The following PIGR variants were observed in gnomAD, a reference collection of about 807,000 sequenced individuals.
The protein encoded by PIGR is hepatocellular carcinoma associated protein TB6.
A neutral mutation model predicts 69.5 loss-of-function variants in PIGR; 22 were observed. The observed-to-expected ratio is 0.32, with a 90% CI of 0.23 to 0.45. The LOEUF is 0.45. Among genes scored for constraint, PIGR ranks in the 20% least tolerant of loss-of-function variants. The pLI, the probability that PIGR is intolerant of heterozygous loss-of-function variation, is 1.00. For missense variants in PIGR, 885 were observed against 974.0 expected (o/e 0.91, Z 1.22); for synonymous variants, 413 against 407.6 (o/e 1.01, Z -0.16).
intron 2 of PIGR, 83 bp downstream of exon 2, chr1:206,940,406 T>C (rs943226121): frequency 4.5e-6 from 6 of 1,321,186 alleles, no homozygotes; most frequent in Non-Finnish European, 6.3e-6. Context: ...TGAGTCTGAT[T>C]TTAGTGTCCC....
intron 4 of PIGR, among the ~76,000 whole-genome samples, chr1:206,936,313 G>A (rs1403810733): frequency 6.6e-6 from 1 of 152,184 alleles, no homozygotes; most frequent in Non-Finnish European, 1.5e-5. Context: ...TCTCAAAGAC[G>A]ATAGCCATTC....
chr1:206,945,992 T>C (rs6540730), intron 1 of PIGR, among the ~76,000 whole-genome samples: 86,609 of 152,044 alleles, frequency 0.57, 27,192 homozygotes, highest in African/African-American at 0.86. Flanking sequence ...AGGTGGCTTG[T>C]CTAAGGCCAC....
rs548333484 is a variant in PIGR at position 206,931,166 on chromosome 1, G to A, written c.2199+331C>T. 3.7e-5 allele frequency: 36 copies of A among 985,446 alleles called. No individual in the cohort carries two copies. The South Asian group carries it at 7.5e-4, about 21-fold the overall frequency. 61.0% of individuals were successfully genotyped at this position (985,446 alleles called of 1,614,324 possible). A position where few individuals can be genotyped will look rare whatever the true frequency, so the allele number is the denominator to read the frequency against. On this transcript the variant is annotated intron_variant, in intron 10 of 10. Transcript: ENST00000356495. Reference sequence around the variant, plus strand: ...GTCCTTGGGTCCCCCAACCCAGGAAGAGCATCCATTTAATCACCAGCATTT... The same window carrying A: ...GTCCTTGGGTCCCCCAACCCAGGAAAAGCATCCATTTAATCACCAGCATTT...
intron 10 of PIGR, 54 bp downstream of exon 10, chr1:206,931,443 C>T: frequency 1.2e-6 from 2 of 1,613,790 alleles, no homozygotes; most frequent in Non-Finnish European, 1.7e-6. Context: ...CTAACTGCAT[C>T]CCCTCATGCT....
At position 206,934,469 on chromosome 1, in the gene PIGR, A is replaced by G. The variant is rs749336171; in HGVS notation, c.1656T>C (p.Tyr552=). Residue 552 remains tyrosine, a synonymous_variant, in exon 6 of 11, where the codon TAT becomes TAC. Transcript: ENST00000356495. ...CCACATAGACGGCTGCAGTCTCTCCATAGAAGTGGCCCTGCTTCACTCCAC... is the reference window on the plus strand; with the variant it reads ...CCACATAGACGGCTGCAGTCTCTCCGTAGAAGTGGCCCTGCTTCACTCCAC... The part of the protein sequence containing the change: ...YWCGVKQGHF[Y]GETAAVYVAV... 3.2e-5 allele frequency: 51 copies of G among 1,614,030 alleles called. No homozygotes were observed. Among genetic ancestry groups the G allele is most frequent in the Middle Eastern group, 1.6e-4 (1 of 6,084 alleles).
chr1:206,940,930 C>A (rs1679970495), intron 1 of PIGR, among the ~76,000 whole-genome samples: 1 of 152,188 alleles, frequency 6.6e-6, no homozygotes, highest in Non-Finnish European at 1.5e-5. Context: ...TGGTTCCTAC[C>A]AATACGTGGC....
In PIGR at chr1:206,930,579, G is replaced by A. The variant is rs1679718909; in HGVS notation, c.2200-166C>T. ...AGCCCCCATGCTCACCAAGAAGGAC[G>A]CATTTTGAGAAATGGAAAGTTGCAG... On this transcript the variant is annotated intron_variant, in intron 10 of 10. Transcript: ENST00000356495. The surrounding 1 kb of genome is among the most constrained non-coding windows in gnomAD (Gnocchi z 4.3). 5 of 985,356 alleles carry A rather than the reference G, an allele frequency of 5.1e-6. No homozygotes were observed. Among genetic ancestry groups the A allele is most frequent in the African/African-American group, 3.5e-5 (2 of 57,320 alleles). 61.0% of individuals were successfully genotyped at this position (985,356 alleles called of 1,614,324 possible).
At position 206,937,252 on chromosome 1, in the gene PIGR, C is replaced by T. The variant is rs748679909; in HGVS notation, c.888G>A (p.Arg296=). 3 of 1,614,076 alleles carry T rather than the reference C, an allele frequency of 1.9e-6. No homozygotes were observed. Among genetic ancestry groups the T allele is most frequent in the African/African-American group, 2.7e-5 (2 of 75,036 alleles). The change falls in exon 4 of 11, where the codon AGG becomes AGA. Residue 296 remains arginine (R), a synonymous_variant. Transcript: ENST00000356495. ...CCTTGTCCTGGGGGTTGAGCAGGAT[C>T]CTGCCCTCAAAGGCTGGGGCCCTCT... ...LGKRAPAFEG[R]ILLNPQDKDG...
chr1:206,946,242 T>G (rs1680104276), intron 1 of PIGR, 94 bp downstream of exon 1: 1 of 152,468 alleles, frequency 6.6e-6, no homozygotes, highest in Non-Finnish European at 1.5e-5. Flanking sequence ...TCTAGGAGAC[T>G]GGGAGTTGGG....
At position 206,935,384 on chromosome 1, in the gene PIGR, C is replaced by T; in HGVS notation, c.1378+102G>A. The T allele has an allele frequency of 1.0e-6, 1 of 988,986 alleles. No individual in the cohort carries two copies. Among genetic ancestry groups the T allele is most frequent in the Non-Finnish European group, 1.5e-6 (1 of 650,004 alleles). The allele number at this position is 988,986 out of a possible 1,614,324, so 61.3% of individuals were successfully genotyped here. ...AGGTGGGCTCCCTCCTGAGGTCTGG[C>T]CCATCAGGGTGGAGGCGGGTGAAAA... On this transcript the variant is annotated intron_variant, in intron 5 of 10. Transcript: ENST00000356495. The surrounding 1 kb of genome is among the most constrained non-coding windows in gnomAD (Gnocchi z 4.4).
rs371306159 is a variant in PIGR at position 206,931,683 on chromosome 1, C to T, written c.2128G>A (p.Gly710Arg). The T allele has an allele frequency of 6.6e-5, 107 of 1,614,024 alleles. No individual in the cohort carries two copies. In the South Asian group the frequency reaches 7.6e-4, roughly 11 times the overall value. Reference sequence around the variant, plus strand: ...GTGAGGGTCATACCTTCTTTTCCTCCGAGGGATGTCTCCTGAGTGATCGAA... The same window carrying T: ...GTGAGGGTCATACCTTCTTTTCCTCTGAGGGATGTCTCCTGAGTGATCGAA... ...ASSITQETSL[G>R]GKEEFVATTE... is the part of the protein sequence containing the mutation. Residue 710 changes from glycine (G) to arginine (R), a missense_variant, in exon 9 of 11, where the codon GGA becomes AGA. Coordinates refer to ENST00000356495, the MANE Select transcript of PIGR (RefSeq NM_002644.4).
intron 4 of PIGR, among the ~76,000 whole-genome samples, chr1:206,936,438 T>TA (rs796071273): frequency 3.6e-4 from 53 of 146,042 alleles, no homozygotes; most frequent in South Asian, 8.6e-4. Flanking sequence ...TAAGCCCCTT[T>TA]AAAAAAAAAA....
At chr1:206,943,038 A>T (rs1357454142) in intron 1 of PIGR, among the ~76,000 whole-genome samples, 1 of 152,084 alleles carries the variant, frequency 6.6e-6, no homozygotes, top group African/African-American at 2.4e-5. Flanking sequence ...TCCTCTCAAA[A>T]CCAGAGACTT....
Position 206,931,481 on chromosome 1 carries a change from CCTT to C in PIGR, c.2199+13_2199+15del, listed in dbSNP as rs772108415. The C allele has an allele frequency of 3.1e-6, 5 of 1,614,046 alleles. No homozygotes were observed. The highest frequency in any genetic ancestry group is 4.2e-6 in the Non-Finnish European group (5 of 1,180,008). ...ATTTCTTTGTCATGTAGTGGGGCTTCCTTCTTCCTCCTCACCCTTTTTGCCTTC... is the reference window on the plus strand; with the variant it reads ...ATTTCTTTGTCATGTAGTGGGGCTTCCTTCCTCCTCACCCTTTTTGCCTTC... On this transcript the variant is annotated intron_variant, in intron 10 of 10. Coordinates refer to ENST00000356495, the MANE Select transcript of PIGR (RefSeq NM_002644.4).
intron 3 of PIGR, among the ~76,000 whole-genome samples, chr1:206,938,717 G>A (rs545684968): frequency 6.6e-6 from 1 of 152,092 alleles, no homozygotes; most frequent in Non-Finnish European, 1.5e-5. Flanking sequence ...CCTTTTGGCG[G>A]CCCAAACCTT....
Position 206,937,450 on chromosome 1 carries a change from C to A in PIGR, c.690G>T (p.Lys230Asn). 1 of 1,614,172 alleles carries A rather than the reference C, an allele frequency of 6.2e-7. No homozygotes were observed. Among genetic ancestry groups the A allele is most frequent in the Non-Finnish European group, 8.5e-7 (1 of 1,180,036 alleles). ...CQAGDDSNSN[K>N]KNADLQVLKP... ...TTAGCACTTGGAGGTCAGCATTCTTCTTATTACTATTGGAATCATCCCCAG... is the reference window on the plus strand; with the variant it reads ...TTAGCACTTGGAGGTCAGCATTCTTATTATTACTATTGGAATCATCCCCAG... The change falls in exon 4 of 11, where the codon AAG becomes AAT. Residue 230 changes from lysine to asparagine, a missense_variant. Transcript: ENST00000356495.
intron 8 of PIGR, 54 bp downstream of exon 8, chr1:206,932,402 A>G (rs1679771123): frequency 5.1e-6 from 8 of 1,560,028 alleles, no homozygotes; most frequent in Non-Finnish European, 6.9e-6. Flanking sequence ...TGGATGATTC[A>G]GGACTGAGGG....
In PIGR at chr1:206,934,764, G is replaced by A. The variant is rs556806157; in HGVS notation, c.1379-18C>T. On this transcript the variant is annotated intron_variant, in intron 5 of 10. Transcript: ENST00000356495. Reference sequence around the variant, plus strand: ...TGGTTCTCCTGGAGGAGGGAGGGAGGTAGAAATAAACACAGAAGTTGGTAC... The same window carrying A: ...TGGTTCTCCTGGAGGAGGGAGGGAGATAGAAATAAACACAGAAGTTGGTAC... The A allele has an allele frequency of 1.9e-6, 3 of 1,583,928 alleles. No individual in the cohort carries two copies. The African/African-American group carries it at 4.0e-5, about 21-fold the overall frequency.
intron 2 of PIGR, 58 bp from the exon 3 acceptor site, chr1:206,939,521 G>A: frequency 3.2e-6 from 4 of 1,251,274 alleles, no homozygotes; most frequent in Non-Finnish European, 3.4e-6. Flanking sequence ...GCCTGTTCCA[G>A]ATAACCCACT....
Sources: gnomAD v4.1 joint callset for allele counts (sites outside exome capture counted in the v4.1 genomes callset) on GRCh38, gnomAD v4.1.1 for gene constraint, Gnocchi (gnomAD v3.1) non-coding constraint, MANE v1.5 for transcripts, NCBI Gene and HGNC (gene_info 2026-07-23, HGNC 2026-07-21) for gene names.